The following SLC9A9 variants were observed in gnomAD, a reference collection of about 807,000 sequenced individuals.
The protein encoded by SLC9A9 is solute carrier family 9 member A9.
In SLC9A9, 62 loss-of-function variants were observed where a neutral mutation model predicts 77.8. The ratio of observed to expected loss-of-function variants is 0.80; its 90% CI spans 0.65 to 0.98. The LOEUF is 0.98. Among genes scored for constraint, SLC9A9 ranks in the 50% least tolerant of loss-of-function variants. The pLI is 0.00. For synonymous variants in SLC9A9, 320 were observed against 283.5 expected (o/e 1.13, Z -1.29); for missense variants, 775 against 774.9 (o/e 1.00, Z 0.00).
intron 9 of SLC9A9, chr3:143,517,233 C>T: frequency 1.6e-6 from 2 of 1,263,320 alleles, no homozygotes; most frequent in Admixed American, 1.7e-5. Context: ...TGGAAGGCCA[C>T]CATAACTTCT....
At chr3:143,558,679 T>C (rs1334155250) in intron 8 of SLC9A9, among the ~76,000 whole-genome samples, 1 of 152,234 alleles carries the variant, frequency 6.6e-6, no homozygotes, top group Non-Finnish European at 1.5e-5. Flanking sequence ...CCTCATTGTA[T>C]CTAGGAAGTA....
chr3:143,669,004 C>T (rs1160958049), intron 5 of SLC9A9, among the ~76,000 whole-genome samples: 1 of 152,176 alleles, frequency 6.6e-6, no homozygotes, highest in East Asian at 1.9e-4. Flanking sequence ...AAATCCCAGT[C>T]TGAGACTAGT....
At chr3:143,811,258 T>G (rs980492914) in intron 2 of SLC9A9, among the ~76,000 whole-genome samples, 1 of 152,242 alleles carries the variant, frequency 6.6e-6, no homozygotes, top group African/African-American at 2.4e-5. Flanking sequence ...CAGGCAGCTT[T>G]GGGTCACACC....
At chr3:143,305,495 C>A (rs1236912958) in intron 14 of SLC9A9, among the ~76,000 whole-genome samples, 2 of 152,208 alleles carry the variant, frequency 1.3e-5, no homozygotes, top group Non-Finnish European at 2.9e-5. Context: ...CTAGGTCTCT[C>A]TGACCTTAAA....
intron 4 of SLC9A9, among the ~76,000 whole-genome samples, chr3:143,739,033 T>C (rs985392146): frequency 6.6e-6 from 1 of 152,148 alleles, no homozygotes; most frequent in African/African-American, 2.4e-5. Context: ...CATTGGTGAA[T>C]GAACTCAATC....
chr3:143,822,004 T>C (rs1029533171), intron 2 of SLC9A9, among the ~76,000 whole-genome samples: 1 of 152,192 alleles, frequency 6.6e-6, no homozygotes, highest in African/African-American at 2.4e-5. Flanking sequence ...CCTTTAGGGA[T>C]TGCCAAGACT....
rs2009451606 is a variant in SLC9A9 at position 143,832,123 on chromosome 3, TTGA to T, written c.271_273del (p.Ser91del). ...TGGTCAGTGATATTAACCAGCAGAG[TTGA>T]TGGACTGAAAGTTAGTTTTACACAG... On this transcript the variant is annotated inframe_deletion, in exon 2 of 16. Transcript: ENST00000316549. 5.0e-6 allele frequency: 8 copies of T among 1,613,154 alleles called. No homozygotes were observed. The highest frequency in any genetic ancestry group is 6.8e-6 in the Non-Finnish European group (8 of 1,179,578).
chr3:143,512,329 C>T (rs1448835369), intron 9 of SLC9A9, among the ~76,000 whole-genome samples: 1 of 152,112 alleles, frequency 6.6e-6, no homozygotes, highest in African/African-American at 2.4e-5. Context: ...AACAAGTAGA[C>T]ATAGATTTAC....
intron 5 of SLC9A9, among the ~76,000 whole-genome samples, chr3:143,664,906 G>C (rs891270490): frequency 6.6e-6 from 1 of 152,198 alleles, no homozygotes; most frequent in South Asian, 2.1e-4. Context: ...ATACCCCACT[G>C]TTAACATTAG....
chr3:143,816,516 A>C (rs1005704037), intron 2 of SLC9A9, among the ~76,000 whole-genome samples: 2 of 152,244 alleles, frequency 1.3e-5, no homozygotes, highest in African/African-American at 4.8e-5. Flanking sequence ...AAGTGATCTC[A>C]TCCATTCACT....
chr3:143,319,052 C>A (rs574853386), intron 14 of SLC9A9, among the ~76,000 whole-genome samples: 1 of 152,294 alleles, frequency 6.6e-6, no homozygotes, highest in South Asian at 2.1e-4. Flanking sequence ...AAACCAACTA[C>A]TATGTAAAGA....
At position 143,848,225 on chromosome 3, in the gene SLC9A9, A is replaced by C. The variant is rs774762131; in HGVS notation, c.98T>G (p.Leu33Arg). 1.2e-6 allele frequency: 2 copies of C among 1,614,050 alleles called. No homozygotes were observed. The highest frequency in any genetic ancestry group is 3.3e-5 in the Admixed American group (2 of 59,998). The change falls in exon 1 of 16, where the codon CTT becomes CGT. Residue 33 changes from leucine (L) to arginine (R), a missense_variant. Transcript: ENST00000316549. Reference protein sequence around the residue: ...ELLVFNFLLILTILTIWLFKN... With the variant: ...ELLVFNFLLIRTILTIWLFKN... ...AAATAACCAGATTGTCAAAATGGTA[A>C]GGATGAGCAAAAAATTGAAGACAAG...
In SLC9A9 at chr3:143,574,127, A is replaced by G. The variant is rs935754797; in HGVS notation, c.961T>C (p.Trp321Arg). 6.2e-7 allele frequency: 1 copy of G among 1,613,614 alleles called. No homozygotes were observed. The part of the protein sequence containing the change: ...LETGLFFLLS[W>R]SAFLSAEAAG... ...GCCTCGGCAGACAGGAAGGCACTCC[A>G]AGAAAGCAGGAAAAACAGGCCGGTT... The change falls in exon 8 of 16, where the codon TGG (tryptophan) becomes CGG (arginine). Residue 321 changes from tryptophan to arginine, a missense_variant. By Grantham distance (101) the Trp-to-Arg change is moderately radical. Coordinates refer to ENST00000316549, the MANE Select transcript of SLC9A9 (RefSeq NM_173653.4).
At chr3:143,510,438 ATGATTC>A (rs2036098237) in intron 9 of SLC9A9, among the ~76,000 whole-genome samples, 1 of 152,218 alleles carries the variant, frequency 6.6e-6, no homozygotes, top group Admixed American at 6.5e-5. Context: ...ATTTTATAGA[ATGATTC>A]TTTGCTTTAG....
chr3:143,735,616 A>T (rs1339767944), intron 4 of SLC9A9, among the ~76,000 whole-genome samples: 1 of 152,258 alleles, frequency 6.6e-6, no homozygotes, highest in Non-Finnish European at 1.5e-5. Flanking sequence ...CTAGAAGGAA[A>T]ATAGGATTCT....
intron 2 of SLC9A9, among the ~76,000 whole-genome samples, chr3:143,818,982 C>T (rs964687083): frequency 5.3e-5 from 8 of 152,054 alleles, no homozygotes; most frequent in Non-Finnish European, 1.0e-4. Flanking sequence ...ACTCAGGAGG[C>T]TGAGGTAGGG....
chr3:143,348,032 T>TTTC (rs566251082), intron 14 of SLC9A9, among the ~76,000 whole-genome samples: 10 of 151,602 alleles, frequency 6.6e-5, no homozygotes, highest in Non-Finnish European at 1.0e-4. Flanking sequence ...TTTTTTTTTT[T>TTTC]TAGAGGGAAT....
At chr3:143,778,245 A>G (rs887140893) in intron 4 of SLC9A9, among the ~76,000 whole-genome samples, 2 of 152,138 alleles carry the variant, frequency 1.3e-5, no homozygotes, top group Non-Finnish European at 2.9e-5. Flanking sequence ...CAACACTATC[A>G]GTAAGATTGT....
chr3:143,752,741 A>G (rs530577658), intron 4 of SLC9A9, among the ~76,000 whole-genome samples: 15 of 151,288 alleles, frequency 9.9e-5, no homozygotes, highest in African/African-American at 3.6e-4. Context: ...TACTGAGCTT[A>G]AGGCAGCTCA....
Sources: gnomAD v4.1 joint callset for allele counts (sites outside exome capture counted in the v4.1 genomes callset) on GRCh38, gnomAD v4.1.1 for gene constraint, MANE v1.5 for transcripts, NCBI Gene and HGNC (gene_info 2026-07-23, HGNC 2026-07-21) for gene names.